MACROD2: variants seen among roughly 807,000 people sequenced by gnomAD.
The protein encoded by MACROD2 is mono-ADP ribosylhydrolase 2.
A neutral mutation model predicts 70.4 loss-of-function variants in MACROD2; 36 were observed. That is an observed-to-expected ratio of 0.51 (90% CI 0.39 to 0.68). MACROD2 has a LOEUF of 0.68. MACROD2 is among the 30% of genes least tolerant of loss of function. The pLI is 0.00. For missense variants in MACROD2, 496 were observed against 538.4 expected (o/e 0.92, Z 0.78); for synonymous variants, 172 against 178.8 (o/e 0.96, Z 0.30).
intron 5 of MACROD2, among the ~76,000 whole-genome samples, chr20:14,789,275 A>G (rs1395809490): frequency 6.6e-6 from 1 of 151,836 alleles, no homozygotes; most frequent in Non-Finnish European, 1.5e-5. Flanking sequence ...TGCCTAAACT[A>G]AATGGTAATA....
intron 5 of MACROD2, among the ~76,000 whole-genome samples, chr20:14,972,262 G>C (rs576974534): frequency 6.6e-6 from 1 of 152,174 alleles, no homozygotes; most frequent in African/African-American, 2.4e-5. Flanking sequence ...GTGGAGAAAG[G>C]CTTCTCTTGA....
At chr20:15,981,070 C>A (rs1245548887) in intron 13 of MACROD2, among the ~76,000 whole-genome samples, 2 of 152,184 alleles carry the variant, frequency 1.3e-5, no homozygotes, top group East Asian at 3.9e-4. Context: ...ACAGGGAATG[C>A]CTAGGAGTTC....
intron 5 of MACROD2, among the ~76,000 whole-genome samples, chr20:15,204,783 A>G (rs569438741): frequency 2.2e-4 from 34 of 152,266 alleles, no homozygotes; most frequent in African/African-American, 6.5e-4. Context: ...TCCTGGTAGC[A>G]TTTCTCAGAG....
intron 12 of MACROD2, among the ~76,000 whole-genome samples, chr20:15,959,242 C>T (rs1188605209): frequency 6.6e-6 from 1 of 152,190 alleles, no homozygotes; most frequent in East Asian, 1.9e-4. Context: ...ACATTGTTCA[C>T]ATTATACAAA....
intron 3 of MACROD2, among the ~76,000 whole-genome samples, chr20:14,136,657 G>A (rs747742000): frequency 5.3e-5 from 8 of 152,188 alleles, no homozygotes; most frequent in Non-Finnish European, 1.2e-4. Context: ...TGCCTTTCAG[G>A]TGATTCTGAT....
intron 4 of MACROD2, among the ~76,000 whole-genome samples, chr20:14,506,204 A>G (rs1037415822): frequency 2.0e-5 from 3 of 152,162 alleles, no homozygotes; most frequent in Non-Finnish European, 4.4e-5. Context: ...GGACCAATAT[A>G]TTTCTGGCTA....
chr20:14,842,725 A>G (rs951537493), intron 5 of MACROD2, among the ~76,000 whole-genome samples: 4 of 152,070 alleles, frequency 2.6e-5, no homozygotes, highest in Non-Finnish European at 2.9e-5. Flanking sequence ...TTCTATCTCT[A>G]CAGTTAGTTT....
At chr20:14,329,656 G>T (rs2122598018) in intron 3 of MACROD2, among the ~76,000 whole-genome samples, 1 of 152,108 alleles carries the variant, frequency 6.6e-6, no homozygotes, top group Non-Finnish European at 1.5e-5. Context: ...TGTTTAAAAA[G>T]AAGAAAACAA....
intron 3 of MACROD2, among the ~76,000 whole-genome samples, chr20:14,274,156 T>TC (rs1196993061): frequency 6.6e-6 from 1 of 152,160 alleles, no homozygotes; most frequent in Non-Finnish European, 1.5e-5. Flanking sequence ...GAGGCCAGCA[T>TC]CATCCTGATA....
At chr20:14,989,686 G>A (rs1045190590) in intron 5 of MACROD2, among the ~76,000 whole-genome samples, 1 of 152,050 alleles carries the variant, frequency 6.6e-6, no homozygotes, top group African/African-American at 2.4e-5. Context: ...AGCGCTGGTG[G>A]GTGTGTAATT....
rs541438378 is a variant in MACROD2 at position 14,718,031 on chromosome 20, G to A, written c.418+33072G>A. Among the ~76,000 whole-genome samples the A allele has an allele frequency of 3.3e-4, 50 of 151,912 alleles. No individual in the cohort carries two copies. In the East Asian group the frequency reaches 3.7e-3, roughly 11 times the overall value. On this transcript the variant is annotated intron_variant, in intron 5 of 17. Transcript: ENST00000684519. Reference sequence around the variant, plus strand: ...GTATACAGAGATGGTGCGGTGGCTCGCGCCTGTAATCCCAGCACTTTGTGA... The same window carrying A: ...GTATACAGAGATGGTGCGGTGGCTCACGCCTGTAATCCCAGCACTTTGTGA...
intron 5 of MACROD2, among the ~76,000 whole-genome samples, chr20:14,737,919 G>T (rs2071687094): frequency 6.6e-6 from 1 of 152,156 alleles, no homozygotes; most frequent in Non-Finnish European, 1.5e-5. Context: ...CTGAAAGCTG[G>T]CCTATGCCAG....
chr20:14,338,195 A>G (rs1047523566), intron 3 of MACROD2, among the ~76,000 whole-genome samples: 13 of 152,182 alleles, frequency 8.5e-5, no homozygotes, highest in African/African-American at 3.1e-4. Context: ...TGAGGTCAGG[A>G]GTTCGAGACC....
intron 3 of MACROD2, among the ~76,000 whole-genome samples, chr20:14,367,197 T>C: frequency 6.6e-6 from 1 of 152,242 alleles, no homozygotes; most frequent in East Asian, 1.9e-4. Context: ...TCTCCTCATG[T>C]TAATGTTTTT....
chr20:15,240,220 T>A (rs544145796), intron 6 of MACROD2, among the ~76,000 whole-genome samples: 4 of 152,348 alleles, frequency 2.6e-5, no homozygotes, highest in Non-Finnish European at 5.9e-5. Flanking sequence ...TTTTATCATA[T>A]AGCATGTCTT....
chr20:15,340,836 A>G (rs1217781061), intron 6 of MACROD2, among the ~76,000 whole-genome samples: 5 of 151,934 alleles, frequency 3.3e-5, no homozygotes, highest in Admixed American at 3.3e-4. Context: ...TTTCTTCAAA[A>G]TACAGTTATT....
chr20:16,045,174 T>C (rs1247802885), intron 17 of MACROD2, among the ~76,000 whole-genome samples: 1 of 152,236 alleles, frequency 6.6e-6, no homozygotes, highest in East Asian at 1.9e-4. Context: ...TTGAATGAGC[T>C]TCAGGGAACT....
At chr20:14,757,506 TG>T in intron 5 of MACROD2, 1 of 595,122 alleles carries the variant, frequency 1.7e-6, no homozygotes, top group South Asian at 2.2e-5. Flanking sequence ...AGATCCCATA[TG>T]TCTCTTTTTA....
At chr20:15,858,426 A>G (rs1050874554) in intron 8 of MACROD2, among the ~76,000 whole-genome samples, 4 of 152,164 alleles carry the variant, frequency 2.6e-5, no homozygotes, top group African/African-American at 7.2e-5. Context: ...TCAGCCATAT[A>G]ACAATTAGAC....
Sources: gnomAD v4.1 joint callset for allele counts (sites outside exome capture counted in the v4.1 genomes callset) on GRCh38, gnomAD v4.1.1 for gene constraint, MANE v1.5 for transcripts, NCBI Gene and HGNC (gene_info 2026-07-23, HGNC 2026-07-21) for gene names.